Variants in PDE11A observed in about 807,000 individuals in gnomAD.
PDE11A encodes the protein dual 3',5'-cyclic-AMP and -GMP phosphodiesterase 11A.
PDE11A carries 100 observed loss-of-function variants against 100.5 expected under a neutral mutation model. The ratio of observed to expected loss-of-function variants is 1.00; its 90% CI spans 0.85 to 1.18. PDE11A has a LOEUF of 1.18. Among genes scored for constraint, PDE11A ranks in the 50% most tolerant of loss-of-function variants. The pLI is 0.00. For synonymous variants in PDE11A, 381 were observed against 420.8 expected (o/e 0.91, Z 1.16); for missense variants, 1,141 against 1,152.6 (o/e 0.99, Z 0.15).
intron 1 of PDE11A, among the ~76,000 whole-genome samples, chr2:178,070,938 CA>C (rs1312519710): frequency 9.2e-5 from 14 of 152,190 alleles, no homozygotes; most frequent in African/African-American, 2.7e-4. Flanking sequence ...TAAGAAGGCA[CA>C]AGTGAGTCAC....
At chr2:178,040,992 T>C (rs1458235776) in intron 1 of PDE11A, among the ~76,000 whole-genome samples, 4 of 152,148 alleles carry the variant, frequency 2.6e-5, no homozygotes, top group Non-Finnish European at 5.9e-5. Context: ...CATGCTAGAG[T>C]GCAGTGGCTC....
chr2:177,675,435 T>C lies in PDE11A; in HGVS notation c.2487+20A>G, dbSNP rs776282980. 4 of 1,590,530 alleles carry C rather than the reference T, an allele frequency of 2.5e-6. No individual in the cohort carries two copies. In the South Asian group the frequency reaches 3.3e-5, roughly 13 times the overall value. ...CCCCAGTCCCTCCTCTGCTGAGCCC[T>C]GCCATTAATCACCACTTGCCTGTCT... is the stretch of plus-strand genomic sequence containing the variant. On this transcript the variant is annotated intron_variant, in intron 17 of 19. Transcript: ENST00000286063.
intron 2 of PDE11A, among the ~76,000 whole-genome samples, chr2:177,956,801 A>G (rs1325527038): frequency 6.9e-6 from 1 of 144,694 alleles, no homozygotes; most frequent in East Asian, 2.0e-4. Context: ...TCAGCAAACT[A>G]TCGCAAGGAC....
intron 1 of PDE11A, among the ~76,000 whole-genome samples, chr2:178,035,260 T>A (rs962292037): frequency 6.6e-6 from 1 of 152,032 alleles, no homozygotes; most frequent in Non-Finnish European, 1.5e-5. Flanking sequence ...ACTACTCAAA[T>A]AAACTAGAAA....
At chr2:177,806,387 A>T (rs2082871546) in intron 9 of PDE11A, among the ~76,000 whole-genome samples, 2 of 152,200 alleles carry the variant, frequency 1.3e-5, no homozygotes, top group Admixed American at 1.3e-4. Context: ...TTTAAAGCAG[A>T]AATAAACTGA....
intron 5 of PDE11A, among the ~76,000 whole-genome samples, chr2:177,859,642 A>T (rs1317936442): frequency 6.6e-6 from 1 of 151,784 alleles, no homozygotes; most frequent in African/African-American, 2.4e-5. Context: ...TCTATAGAGC[A>T]CTCCACCTAA....
intron 4 of PDE11A, among the ~76,000 whole-genome samples, chr2:177,897,006 C>T (rs1377050965): frequency 6.6e-6 from 1 of 152,154 alleles, no homozygotes; most frequent in African/African-American, 2.4e-5. Flanking sequence ...TTAAAAGATA[C>T]TCAATATTGT....
chr2:177,731,943 AC>A (rs1208273452), intron 10 of PDE11A, among the ~76,000 whole-genome samples: 11 of 152,282 alleles, frequency 7.2e-5, no homozygotes, highest in African/African-American at 1.4e-4. Context: ...ACTAAAAAAA[AC>A]CTTTATTTTT....
chr2:177,775,864 C>A (rs576573523), intron 9 of PDE11A, among the ~76,000 whole-genome samples: 2 of 152,218 alleles, frequency 1.3e-5, no homozygotes, highest in African/African-American at 4.8e-5. Flanking sequence ...ATTGGAGTTG[C>A]CTGTTATCTT....
intron 5 of PDE11A, among the ~76,000 whole-genome samples, chr2:177,865,092 A>C (rs1013258346): frequency 6.6e-6 from 1 of 152,232 alleles, no homozygotes; most frequent in Non-Finnish European, 1.5e-5. Context: ...CAGCCTGGCC[A>C]ACATGGCAAA....
chr2:177,952,664 C>T (rs1391157043), intron 2 of PDE11A, among the ~76,000 whole-genome samples: 1 of 152,068 alleles, frequency 6.6e-6, no homozygotes, highest in African/African-American at 2.4e-5. Context: ...TTTCTTTTGG[C>T]TTGTTATCTT....
intron 19 of PDE11A, among the ~76,000 whole-genome samples, chr2:177,660,097 T>TTCTTTCTTTCTTTCTC (rs1406827529): frequency 2.9e-5 from 2 of 69,284 alleles, no homozygotes; most frequent in Non-Finnish European, 6.0e-5. Context: ...CTTTCTTTCT[T>TTCTTTCTTTCTTTCTC]TCTCTCTCTC....
chr2:177,794,820 C>G (rs1177596503), intron 9 of PDE11A, among the ~76,000 whole-genome samples: 1 of 152,090 alleles, frequency 6.6e-6, no homozygotes, highest in Non-Finnish European at 1.5e-5. Context: ...GAGTCTCGCA[C>G]TGTTGCCCAG....
chr2:177,971,866 GA>G (rs893166210), intron 2 of PDE11A, among the ~76,000 whole-genome samples: 34 of 146,816 alleles, frequency 2.3e-4, no homozygotes, highest in African/African-American at 7.2e-4. Flanking sequence ...AAGTAATTCA[GA>G]AAAAAAAAAG....
chr2:178,028,537 C>T (rs1485508996), intron 1 of PDE11A, among the ~76,000 whole-genome samples: 1 of 152,176 alleles, frequency 6.6e-6, no homozygotes, highest in African/African-American at 2.4e-5. Context: ...GCCAGACACA[C>T]TGGAGAAATG....
At chr2:177,702,379 A>G (rs1212116139) in intron 13 of PDE11A, 1 of 152,058 alleles carries the variant, frequency 6.6e-6, no homozygotes, top group Non-Finnish European at 1.5e-5. Context: ...GAGTTAGAGC[A>G]TCTTAAGAAT....
rs550504151 is a variant in PDE11A, at chr2:177,876,519, GA to G, written c.1303-597del. 1.7e-3 allele frequency among the ~76,000 whole-genome samples: 259 copies of G among 148,364 alleles called. 24 individuals are homozygous for G. Among genetic ancestry groups the G allele is most frequent in the African/African-American group, 6.2e-3 (243 of 39,026 alleles). On this transcript the variant is annotated intron_variant, in intron 4 of 19. Coordinates refer to ENST00000286063, the MANE Select transcript of PDE11A (RefSeq NM_016953.4). The stretch of plus-strand genomic sequence containing the variant: ...GTTGACCAAGGCTTATGTTGAGGGG[GA>G]ATTTATGGAACAGAAAATGTCAATG...
intron 19 of PDE11A, among the ~76,000 whole-genome samples, chr2:177,660,065 T>TC (rs2080455352): frequency 2.3e-4 from 1 of 4,406 alleles, no homozygotes; most frequent in Non-Finnish European, 8.7e-4. Context: ...CTTTCTTTCT[T>TC]TCTTTCTTTC....
At chr2:177,773,258 C>T (rs915620542) in intron 9 of PDE11A, among the ~76,000 whole-genome samples, 1 of 152,132 alleles carries the variant, frequency 6.6e-6, no homozygotes, top group Non-Finnish European at 1.5e-5. Context: ...AAACAATTCT[C>T]CCTCCCAAAG....
Sources: allele counts gnomAD v4.1 joint callset (sites outside exome capture counted in the v4.1 genomes callset), GRCh38; gene constraint gnomAD v4.1.1; transcripts MANE v1.5; gene names NCBI Gene and HGNC (gene_info 2026-07-23, HGNC 2026-07-21).